DGKB: variants seen among roughly 807,000 people sequenced by gnomAD.
DGKB encodes 90 kDa diacylglycerol kinase.
A neutral mutation model predicts 114.3 loss-of-function variants in DGKB; 67 were observed. The observed-to-expected ratio is 0.59, with a 90% CI of 0.48 to 0.72. DGKB has a LOEUF of 0.72. Among genes scored for constraint, DGKB ranks in the 30% least tolerant of loss-of-function variants. The pLI, the probability that DGKB is intolerant of heterozygous loss-of-function variation, is 0.00. For synonymous variants in DGKB, 398 were observed against 323.1 expected (o/e 1.23, Z -2.49); for missense variants, 907 against 975.2 (o/e 0.93, Z 0.93).
intron 23 of DGKB, among the ~76,000 whole-genome samples, chr7:14,180,850 T>G (rs1365386437): frequency 6.6e-6 from 1 of 152,120 alleles, no homozygotes; most frequent in Non-Finnish European, 1.5e-5. Flanking sequence ...CTTCCTCACC[T>G]CACATTCTAG....
chr7:14,190,648 C>T (rs1246858433), intron 23 of DGKB: 1 of 151,856 alleles, frequency 6.6e-6, no homozygotes, highest in Non-Finnish European at 1.5e-5. Flanking sequence ...CAATAAACCA[C>T]AAGCTAGGCT....
At chr7:14,968,873 G>C (rs1056207769) in intron 1 of DGKB, among the ~76,000 whole-genome samples, 1 of 152,120 alleles carries the variant, frequency 6.6e-6, no homozygotes, top group Non-Finnish European at 1.5e-5. Flanking sequence ...CAAATAATGT[G>C]ATGTATTTGT....
At chr7:14,789,254 C>T (rs1840324961) in intron 2 of DGKB, among the ~76,000 whole-genome samples, 1 of 152,098 alleles carries the variant, frequency 6.6e-6, no homozygotes, top group Admixed American at 6.6e-5. Context: ...AACAGACCAA[C>T]ACTGTCACCA....
intron 1 of DGKB, among the ~76,000 whole-genome samples, chr7:14,879,930 A>G (rs1853960361): frequency 6.6e-6 from 1 of 152,192 alleles, no homozygotes. Context: ...CATGCCCAGC[A>G]TACTCAAAAT....
chr7:14,306,648 G>A lies in DGKB; in HGVS notation c.2122+31867C>T, dbSNP rs974850006. ...TCCTTTGGCTCTGCGCTTCAGAACT[G>A]GGCCATGGGTTTTCTTTTAAGAGGC... On this transcript the variant is annotated intron_variant, in intron 23 of 25. Transcript: ENST00000402815. Among the ~76,000 whole-genome samples the A allele has an allele frequency of 2.6e-5, 4 of 152,044 alleles. No homozygotes were observed. The South Asian group carries it at 6.2e-4, about 24-fold the overall frequency.
intron 23 of DGKB, among the ~76,000 whole-genome samples, chr7:14,259,941 T>C (rs1388793618): frequency 6.6e-6 from 1 of 152,220 alleles, no homozygotes; most frequent in African/African-American, 2.4e-5. Context: ...TGTTCCTCAA[T>C]TTCACAAGCA....
intron 7 of DGKB, among the ~76,000 whole-genome samples, chr7:14,698,943 ATGT>A (rs1824599403): frequency 6.6e-6 from 1 of 152,164 alleles, no homozygotes; most frequent in Non-Finnish European, 1.5e-5. Context: ...ATGATTTAAA[ATGT>A]AAGAAGTATA....
At chr7:14,160,229 C>T (rs1425096879) in intron 25 of DGKB, among the ~76,000 whole-genome samples, 3 of 152,120 alleles carry the variant, frequency 2.0e-5, no homozygotes, top group Non-Finnish European at 4.4e-5. Context: ...CAAAGATATC[C>T]TCTCTCACCA....
chr7:14,248,877 TA>T (rs1794829206), intron 23 of DGKB, among the ~76,000 whole-genome samples: 1 of 152,268 alleles, frequency 6.6e-6, no homozygotes, highest in South Asian at 2.1e-4. Context: ...ATATGTACCA[TA>T]TTGAAAACAA....
At chr7:14,418,226 G>T (rs1583789043) in intron 21 of DGKB, among the ~76,000 whole-genome samples, 1 of 110,300 alleles carries the variant, frequency 9.1e-6, no homozygotes. Flanking sequence ...TATTATATAT[G>T]TACATATATT....
intron 21 of DGKB, among the ~76,000 whole-genome samples, chr7:14,449,399 T>C (rs1831161076): frequency 6.6e-6 from 1 of 152,038 alleles, no homozygotes; most frequent in Non-Finnish European, 1.5e-5. Context: ...TTCTGGGATA[T>C]AAATTCCAGG....
At chr7:14,677,526 T>A (rs1026966417) in intron 12 of DGKB, among the ~76,000 whole-genome samples, 1 of 152,032 alleles carries the variant, frequency 6.6e-6, no homozygotes, top group African/African-American at 2.4e-5. Flanking sequence ...CTCTATATCA[T>A]AGCAAAAGTT....
At chr7:14,884,555 C>G (rs547453193) in intron 1 of DGKB, among the ~76,000 whole-genome samples, 1 of 151,946 alleles carries the variant, frequency 6.6e-6, no homozygotes, top group Non-Finnish European at 1.5e-5. Context: ...GACAGCCTGA[C>G]TTTTTCTGAG....
At chr7:14,758,765 C>T (rs1431526208) in intron 2 of DGKB, among the ~76,000 whole-genome samples, 1 of 152,156 alleles carries the variant, frequency 6.6e-6, no homozygotes, top group Non-Finnish European at 1.5e-5. Context: ...AGAAAACTCT[C>T]TCATAGATGC....
intron 14 of DGKB, among the ~76,000 whole-genome samples, chr7:14,623,382 TA>T (rs1807995057): frequency 6.6e-6 from 1 of 152,168 alleles, no homozygotes; most frequent in Non-Finnish European, 1.5e-5. Flanking sequence ...ATGTATGGGG[TA>T]ACTGAGAAAT....
intron 21 of DGKB, among the ~76,000 whole-genome samples, chr7:14,377,230 A>C (rs1380916524): frequency 2.0e-5 from 3 of 152,208 alleles, no homozygotes; most frequent in Non-Finnish European, 2.9e-5. Context: ...GGACAAAAAT[A>C]GGGCTGAGCA....
At chr7:14,815,568 A>G (rs1844015569) in intron 2 of DGKB, among the ~76,000 whole-genome samples, 1 of 152,202 alleles carries the variant, frequency 6.6e-6, no homozygotes, top group African/African-American at 2.4e-5. Flanking sequence ...GCTATGGCAC[A>G]TTACCTAAGT....
At chr7:14,439,998 T>C (rs561766950) in intron 21 of DGKB, among the ~76,000 whole-genome samples, 3 of 151,738 alleles carry the variant, frequency 2.0e-5, no homozygotes, top group South Asian at 2.1e-4. Flanking sequence ...GGAGGAGGAA[T>C]GCAGAGATGC....
At chr7:14,429,271 G>A (rs1828060424) in intron 21 of DGKB, among the ~76,000 whole-genome samples, 1 of 152,072 alleles carries the variant, frequency 6.6e-6, no homozygotes, top group Non-Finnish European at 1.5e-5. Flanking sequence ...CCCTCATGAT[G>A]GGATTAGTGG....
Sources: gnomAD v4.1 joint callset for allele counts (sites outside exome capture counted in the v4.1 genomes callset) on GRCh38, gnomAD v4.1.1 for gene constraint, MANE v1.5 for transcripts, NCBI Gene and HGNC (gene_info 2026-07-23, HGNC 2026-07-21) for gene names.